The following MCAT variants were observed in gnomAD, a reference collection of about 807,000 sequenced individuals.
The protein encoded by MCAT is malonyl-CoA-acyl carrier protein transacylase, also known as malonyl-CoA-acyl carrier protein transacylase, mitochondrial.
In MCAT, 22 loss-of-function variants were observed where a neutral mutation model predicts 22.9. That is an observed-to-expected ratio of 0.96 (90% CI 0.69 to 1.37). The LOEUF is 1.37. MCAT is among the 40% of genes most tolerant of loss of function. MCAT has a pLI of 0.00. For synonymous variants in MCAT, 240 were observed against 233.9 expected, an observed-to-expected ratio of 1.03 and a Z score of -0.24; for missense variants, 534 against 533.6, an observed-to-expected ratio of 1.00 and a Z score of -0.01.
rs1381735889 is a variant in MCAT, at chr22:43,141,113, A to G, written c.511+49T>C. ...ATTTTTGGCAGTGTCCCTTACCCCT[A>G]ATGAGCCCAAGACCACAGCCTTGCA... On this transcript the variant is annotated intron_variant, in intron 2 of 3. Transcript: ENST00000290429. 4 of 1,528,590 alleles carry G rather than the reference A, an allele frequency of 2.6e-6. No homozygotes were observed. In the South Asian group the frequency reaches 4.5e-5, roughly 17 times the overall value. The allele number at this position is 1,528,590 out of a possible 1,614,324, so 94.7% of individuals were successfully genotyped here.
intron 2 of MCAT, 146 bp downstream of exon 2, chr22:43,141,016 G>A: frequency 1.5e-6 from 1 of 657,588 alleles, no homozygotes; most frequent in Non-Finnish European, 2.8e-6. Flanking sequence ...TCACAGCAAA[G>A]CCCTGTCCTC....
chr22:43,142,774 CAA>C, intron 1 of MCAT, 150 bp downstream of exon 1: 4 of 680,888 alleles, frequency 5.9e-6, no homozygotes, highest in Admixed American at 8.5e-5. Context: ...GACTCCGTCT[CAA>C]AAAAAAAAAC....
intron 3 of MCAT, among the ~76,000 whole-genome samples, chr22:43,134,129 A>C (rs185730446): frequency 2.6e-5 from 4 of 152,302 alleles, no homozygotes; most frequent in Middle Eastern, 6.8e-3. Flanking sequence ...TTTATTCCAT[A>C]ATCTTCAAAA....
chr22:43,139,098 G>GAA (rs1046337043), intron 2 of MCAT, among the ~76,000 whole-genome samples: 6 of 151,742 alleles, frequency 4.0e-5, no homozygotes. Flanking sequence ...GAAGACAGAG[G>GAA]AAAACTCTGT....
At position 43,142,824 on chromosome 22, in the gene MCAT, A is replaced by G. The variant is rs1930812711; in HGVS notation, c.423+102T>C. 34 of 1,245,232 alleles carry G rather than the reference A, an allele frequency of 2.7e-5. No homozygotes were observed. In the East Asian group the frequency reaches 9.9e-4, roughly 36 times the overall value. 77.1% of individuals were successfully genotyped at this position (1,245,232 alleles called of 1,614,324 possible). A position where few individuals can be genotyped will look rare whatever the true frequency, so the allele number is the denominator to read the frequency against. ...AAAAAAAAACTCGATCGAATGAGTA[A>G]GACGTGGGAGCCCCCGGAATGGCAG... On this transcript the variant is annotated intron_variant, in intron 1 of 3. Coordinates refer to ENST00000290429, the MANE Select transcript of MCAT (RefSeq NM_173467.5).
rs377691255 is a variant in MCAT at position 43,133,371 on chromosome 22, G to A, written c.845C>T (p.Thr282Met). The A allele has an allele frequency of 6.4e-5, 103 of 1,614,150 alleles. No homozygotes were observed. Among genetic ancestry groups the A allele is most frequent in the South Asian group, 5.4e-4 (49 of 91,080 alleles). Residue 282 changes from threonine (T) to methionine (M), a missense_variant, in exon 4 of 4, where the codon ACG (threonine) becomes ATG (methionine). Coordinates refer to ENST00000290429, the MANE Select transcript of MCAT (RefSeq NM_173467.5). ...AATGTCGACTGCCTTTAAAGCTTGC[G>A]TCAGGGGCTCCACGGCTGGCTCCAT... ...RLMEPAVEPL[T>M]QALKAVDIKK...
At chr22:43,137,393 T>A in intron 2 of MCAT, 95 bp from the exon 3 acceptor site, 2 of 975,430 alleles carry the variant, frequency 2.1e-6, no homozygotes, top group Non-Finnish European at 3.1e-6. Context: ...CACTCTGCAC[T>A]AGAGACAGGG....
chr22:43,142,867 G>A, intron 1 of MCAT, 59 bp downstream of exon 1: 1 of 1,412,138 alleles, frequency 7.1e-7, no homozygotes, highest in Non-Finnish European at 9.2e-7. Flanking sequence ...CCTCTGGCAG[G>A]GCCAAGAGCT....
rs993576515 is a variant in MCAT, at chr22:43,141,185, G to A, written c.488C>T (p.Ala163Val). ...SVGEFAALVFAGAMEFAEGLY... is the reference protein window; with the variant it reads ...SVGEFAALVFVGAMEFAEGLY... ...ACCTTCAGCAAATTCCATGGCTCCG[G>A]CAAACACTAGGGCTGCAAACTCTCC... The change falls in exon 2 of 4, where the codon GCC becomes GTC. Residue 163 changes from alanine (A) to valine (V), a missense_variant. By Grantham distance (64) the Ala-to-Val change is moderately conservative. Transcript: ENST00000290429. 1.2e-6 allele frequency: 2 copies of A among 1,614,044 alleles called. No individual in the cohort carries two copies. The highest frequency in any genetic ancestry group is 1.3e-5 in the African/African-American group (1 of 75,026).
intron 1 of MCAT, among the ~76,000 whole-genome samples, chr22:43,141,853 T>C (rs750583457): frequency 1.3e-5 from 2 of 152,190 alleles, no homozygotes; most frequent in Non-Finnish European, 2.9e-5. Context: ...ATAGGCATTA[T>C]AGGCGTGAGC....
In MCAT at chr22:43,142,973, C is replaced by T; in HGVS notation, c.376G>A (p.Val126Met). 6.3e-7 allele frequency: 1 copy of T among 1,597,038 alleles called. No homozygotes were observed. Reference sequence around the variant, plus strand: ...TTCTCGACAGCGGCCAGCGATGCCACGAAGATCGCGGGCTGACAGTGCACG... The same window carrying T: ...TTCTCGACAGCGGCCAGCGATGCCATGAAGATCGCGGGCTGACAGTGCACG... Reference protein sequence around the residue: ...RTVHCQPAIFVASLAAVEKLH... With the variant: ...RTVHCQPAIFMASLAAVEKLH... The change falls in exon 1 of 4, where the codon GTG becomes ATG. Residue 126 changes from valine to methionine, a missense_variant. Val to Met is a conservative substitution (Grantham distance 21). Transcript: ENST00000290429.
rs1930636155 is a variant in MCAT, at chr22:43,137,126, G to A, written c.684C>T (p.Ser228=). 8 of 1,614,036 alleles carry A rather than the reference G, an allele frequency of 5.0e-6. No homozygotes were observed. Among genetic ancestry groups the A allele is most frequent in the Middle Eastern group, 1.6e-4 (1 of 6,084 alleles). The change falls in exon 3 of 4, where the codon TCC becomes TCT. Residue 228 remains serine (S), a synonymous_variant. Transcript: ENST00000290429. ...LGIENPVCEV[S]NYLFPDCRVI... Reference sequence around the variant, plus strand: ...CCCTGCAATCTGGAAAGAGGTAGTTGGACACTTCACATACGGGGTTCTCTA... The same window carrying A: ...CCCTGCAATCTGGAAAGAGGTAGTTAGACACTTCACATACGGGGTTCTCTA...
chr22:43,141,665 G>A (rs991699741), intron 1 of MCAT, among the ~76,000 whole-genome samples: 1 of 151,970 alleles, frequency 6.6e-6, no homozygotes, highest in African/African-American at 2.4e-5. Context: ...TCCGCCTCCC[G>A]GGTTCAAGCA....
At chr22:43,142,626 A>G (rs1239798602) in intron 1 of MCAT, among the ~76,000 whole-genome samples, 1 of 148,082 alleles carries the variant, frequency 6.8e-6, no homozygotes, top group Non-Finnish European at 1.5e-5. Flanking sequence ...CTCTACTAAA[A>G]ATACAAAAAA....
At chr22:43,139,076 C>A (rs983795660) in intron 2 of MCAT, among the ~76,000 whole-genome samples, 29 of 152,248 alleles carry the variant, frequency 1.9e-4, no homozygotes, top group Admixed American at 1.4e-3. Flanking sequence ...TGCATCACTG[C>A]ACTCAAGGCT....
rs1193912793 is a variant in MCAT at position 43,143,092 on chromosome 22, C to G, written c.257G>C (p.Arg86Pro). 1 of 1,606,798 alleles carries G rather than the reference C, an allele frequency of 6.2e-7. No homozygotes were observed. Among genetic ancestry groups the G allele is most frequent in the South Asian group, 1.1e-5 (1 of 90,784 alleles). ...GMGRGLLNYP[R>P]VRELYAAARR... ...GGCGGCGGCGTAGAGTTCGCGGACGCGCGGGTAGTTGAGCAGACCGCGGCC... is the reference window on the plus strand; with the variant it reads ...GGCGGCGGCGTAGAGTTCGCGGACGGGCGGGTAGTTGAGCAGACCGCGGCC... The change falls in exon 1 of 4, where the codon CGC (arginine) becomes CCC (proline). Residue 86 changes from arginine to proline, a missense_variant. Coordinates refer to ENST00000290429, the MANE Select transcript of MCAT (RefSeq NM_173467.5).
At chr22:43,140,666 T>A (rs180833363) in intron 2 of MCAT, among the ~76,000 whole-genome samples, 153 of 152,174 alleles carry the variant, frequency 1.0e-3, no homozygotes, top group Non-Finnish European at 1.8e-3. Flanking sequence ...TGTTTTTTGT[T>A]GGGGGCAGAG....
At position 43,143,212 on chromosome 22, in the gene MCAT, T is replaced by A; in HGVS notation, c.137A>T (p.Glu46Val). ...AELLRDATGAEEEAPWAATER... is the reference protein window; with the variant it reads ...AELLRDATGAVEEAPWAATER... Reference sequence around the variant, plus strand: ...CGTCGCCGCCCAGGGCGCCTCCTCCTCCGCCCCGGTCGCATCTCGCAGCAG... The same window carrying A: ...CGTCGCCGCCCAGGGCGCCTCCTCCACCGCCCCGGTCGCATCTCGCAGCAG... Residue 46 changes from glutamate to valine, a missense_variant, in exon 1 of 4, where the codon GAG (glutamate) becomes GTG (valine). By Grantham distance (121) the Glu-to-Val change is moderately radical. Coordinates refer to ENST00000290429, the MANE Select transcript of MCAT (RefSeq NM_173467.5). The A allele has an allele frequency of 6.6e-7, 1 of 1,526,112 alleles. No homozygotes were observed. The highest frequency in any genetic ancestry group is 8.7e-7 in the Non-Finnish European group (1 of 1,146,358). The allele number at this position is 1,526,112 out of a possible 1,614,324, so 94.5% of individuals were successfully genotyped here. A position where few individuals can be genotyped will look rare whatever the true frequency, so the allele number is the denominator to read the frequency against.
chr22:43,141,615 A>G (rs1930771239), intron 1 of MCAT, among the ~76,000 whole-genome samples: 1 of 151,810 alleles, frequency 6.6e-6, no homozygotes, highest in Non-Finnish European at 1.5e-5. Context: ...CTTGTTGCCC[A>G]GGCTGGAGTG....
Sources: allele counts gnomAD v4.1 joint callset (sites outside exome capture counted in the v4.1 genomes callset), GRCh38; gene constraint gnomAD v4.1.1; transcripts MANE v1.5; gene names NCBI Gene and HGNC (gene_info 2026-07-23, HGNC 2026-07-21).